Variants in PCMT1 observed in about 807,000 individuals in gnomAD.
PCMT1 encodes the protein protein-L-isoaspartate (D-aspartate) O-methyltransferase, also known as protein-L-isoaspartate(D-aspartate) O-methyltransferase.
In PCMT1, 9 loss-of-function variants were observed where a neutral mutation model predicts 29.2. The observed-to-expected ratio is 0.31, with a 90% CI of 0.19 to 0.54. The LOEUF is 0.54. Ranked by LOEUF, PCMT1 falls within the 20% of genes least tolerant of loss-of-function variation. The probability of loss-of-function intolerance (pLI) is 0.95; values close to 1 mark genes in which losing one functional copy is unlikely to be tolerated. For synonymous variants in PCMT1, 98 were observed against 97.5 expected, an observed-to-expected ratio of 1.00 and a Z score of -0.03; for missense variants, 184 against 282.2, an observed-to-expected ratio of 0.65 and a Z score of 2.49.
chr6:149,802,404 CCA>C lies in PCMT1; in HGVS notation c.*30_*31del, dbSNP rs1562425274. ...ATTTTATCTTCTGCTCTTTCTTCTTCCACACATGCAAGGTGAAAGGGTGTGGA... is the reference window on the plus strand; with the variant it reads ...ATTTTATCTTCTGCTCTTTCTTCTTCCACATGCAAGGTGAAAGGGTGTGGA... On this transcript the variant is annotated 3_prime_UTR_variant, in exon 7 of 8. Coordinates refer to ENST00000464889, the MANE Select transcript of PCMT1 (RefSeq NM_001360452.2). The C allele has an allele frequency of 6.3e-7, 1 of 1,590,284 alleles. No individual in the cohort carries two copies. The highest frequency in any genetic ancestry group is 1.1e-5 in the South Asian group (1 of 88,064).
chr6:149,781,019 CT>C (rs1562410733), intron 3 of PCMT1, among the ~76,000 whole-genome samples: 1 of 151,908 alleles, frequency 6.6e-6, no homozygotes, highest in Non-Finnish European at 1.5e-5. Flanking sequence ...TTGTTATTTT[CT>C]TTTTTTAAAA....
intron 1 of PCMT1, among the ~76,000 whole-genome samples, chr6:149,767,084 T>G (rs1319464572): frequency 6.6e-6 from 1 of 151,956 alleles, no homozygotes; most frequent in Non-Finnish European, 1.5e-5. Flanking sequence ...TGGCAGGCGC[T>G]TATAATCCCA....
At chr6:149,778,688 C>T (rs765917140) in intron 3 of PCMT1, among the ~76,000 whole-genome samples, 3 of 151,984 alleles carry the variant, frequency 2.0e-5, no homozygotes, top group African/African-American at 7.3e-5. Context: ...TAGGCACATA[C>T]CACCACCCTT....
chr6:149,763,173 G>GAT (rs1330604434), intron 1 of PCMT1, among the ~76,000 whole-genome samples: 3 of 36,610 alleles, frequency 8.2e-5, no homozygotes, highest in African/African-American at 4.6e-4. Flanking sequence ...TGATATCTAT[G>GAT]ATATATATCT....
intron 3 of PCMT1, among the ~76,000 whole-genome samples, chr6:149,786,127 T>G (rs1241855453): frequency 7.9e-6 from 1 of 126,522 alleles, no homozygotes; most frequent in Non-Finnish European, 1.6e-5. Context: ...GAGGCGCCCC[T>G]CACCTCCCGG....
intron 6 of PCMT1, among the ~76,000 whole-genome samples, chr6:149,801,605 C>A (rs1428290204): frequency 6.6e-6 from 1 of 151,988 alleles, no homozygotes; most frequent in African/African-American, 2.4e-5. Context: ...TGACACCATG[C>A]CTGGCTAATT....
chr6:149,787,300 C>T (rs1449680380), intron 3 of PCMT1, among the ~76,000 whole-genome samples: 1 of 148,132 alleles, frequency 6.8e-6, no homozygotes, highest in Non-Finnish European at 1.5e-5. Flanking sequence ...AGAGGGAGAC[C>T]GTGGGGAGAG....
chr6:149,773,201 G>T, intron 3 of PCMT1, 32 bp downstream of exon 3: 1 of 1,544,998 alleles, frequency 6.5e-7, no homozygotes, highest in Non-Finnish European at 8.9e-7. Context: ...GGTTACAAAT[G>T]GATTACATTT....
At chr6:149,807,517 C>T (rs1311402255) in intron 7 of PCMT1, among the ~76,000 whole-genome samples, 2 of 152,004 alleles carry the variant, frequency 1.3e-5, no homozygotes, top group African/African-American at 2.4e-5. Flanking sequence ...ACTACAGGCA[C>T]GCACCACGAG....
At chr6:149,771,032 T>C in intron 1 of PCMT1, 130 bp from the exon 2 acceptor site, 2 of 517,566 alleles carry the variant, frequency 3.9e-6, no homozygotes. Context: ...TGCCATTACC[T>C]GGGCCATTAC....
chr6:149,796,555 A>C (rs1487226265), intron 6 of PCMT1, 55 bp downstream of exon 6: 3 of 1,212,852 alleles, frequency 2.5e-6, no homozygotes, highest in Non-Finnish European at 3.6e-6. Context: ...ACTCTACAAG[A>C]CTTAAATAGA....
intron 7 of PCMT1, among the ~76,000 whole-genome samples, chr6:149,808,984 G>A (rs993741855): frequency 1.3e-5 from 2 of 150,146 alleles, no homozygotes; most frequent in African/African-American, 4.9e-5. Context: ...CTTGGGCATG[G>A]TGGCTCACAC....
At chr6:149,762,583 ATATATATC>A (rs1786806953) in intron 1 of PCMT1, among the ~76,000 whole-genome samples, 2 of 51,554 alleles carry the variant, frequency 3.9e-5, no homozygotes, top group African/African-American at 3.3e-4. Context: ...TATCTATGAT[ATATATATC>A]TATGATATAT....
At chr6:149,775,455 C>G (rs939739015) in intron 3 of PCMT1, among the ~76,000 whole-genome samples, 3 of 151,970 alleles carry the variant, frequency 2.0e-5, no homozygotes, top group African/African-American at 4.8e-5. Context: ...TGTGTAATCT[C>G]AACACTTTGG....
At chr6:149,758,255 G>T (rs1038788777) in intron 1 of PCMT1, among the ~76,000 whole-genome samples, 2 of 133,938 alleles carry the variant, frequency 1.5e-5, no homozygotes, top group African/African-American at 5.7e-5. Flanking sequence ...CTGTCGTCCA[G>T]GCTGGAGTGC....
intron 6 of PCMT1, chr6:149,799,230 C>T (rs981538411): frequency 1.2e-4 from 18 of 152,264 alleles, no homozygotes; most frequent in African/African-American, 4.1e-4. Context: ...GGGAGGATTG[C>T]TTGAGCCCAG....
At chr6:149,794,507 A>G (rs1788515675) in intron 5 of PCMT1, among the ~76,000 whole-genome samples, 1 of 152,150 alleles carries the variant, frequency 6.6e-6, no homozygotes, top group South Asian at 2.1e-4. Flanking sequence ...AGTCCTAGCT[A>G]CTCGGGAGGC....
rs1361434325 is a variant in PCMT1 at position 149,762,806 on chromosome 6, TATCTATGATA to T, written c.56-8345_56-8336del. 3.7e-5 allele frequency among the ~76,000 whole-genome samples: 2 copies of T among 54,470 alleles called. 1 individual carries two copies. Among genetic ancestry groups the T allele is most frequent in the Non-Finnish European group, 5.0e-5 (2 of 39,624 alleles). 35.7% of individuals were successfully genotyped at this position (54,470 alleles called of 152,430 possible). On this transcript the variant is annotated intron_variant, in intron 1 of 7. Coordinates refer to ENST00000464889, the MANE Select transcript of PCMT1 (RefSeq NM_001360452.2). ...ATGATATATATACCTATGATATATATATCTATGATAATCTATGATATATATGATATATATA... is the reference window on the plus strand; with the variant it reads ...ATGATATATATACCTATGATATATATATCTATGATATATATGATATATATA...
At chr6:149,770,019 C>T (rs1016659735) in intron 1 of PCMT1, among the ~76,000 whole-genome samples, 1 of 152,176 alleles carries the variant, frequency 6.6e-6, no homozygotes, top group Non-Finnish European at 1.5e-5. Flanking sequence ...CATCCTGCCT[C>T]TGTGACTGCT....
Sources: allele counts gnomAD v4.1 joint callset (sites outside exome capture counted in the v4.1 genomes callset), GRCh38; gene constraint gnomAD v4.1.1; transcripts MANE v1.5; gene names NCBI Gene and HGNC (gene_info 2026-07-23, HGNC 2026-07-21).